The following SORCS1 variants were observed in gnomAD, a reference collection of about 807,000 sequenced individuals.
SORCS1 encodes the protein sortilin related VPS10 domain containing receptor 1, also known as VPS10 domain-containing receptor SorCS1.
Under a neutral mutation model 146.1 loss-of-function variants are expected in SORCS1, and 60 were observed. The ratio of observed to expected loss-of-function variants is 0.41; its 90% confidence interval spans 0.33 to 0.51. The LOEUF is 0.51. Ranked by LOEUF, SORCS1 falls within the 20% of genes least tolerant of loss-of-function variation. SORCS1 has a pLI of 0.21. For synonymous variants in SORCS1, 637 were observed against 584.0 expected (o/e 1.09, Z -1.31); for missense variants, 1,352 against 1,487.6 (o/e 0.91, Z 1.50).
At chr10:106,583,532 A>T (rs1845045244) in intron 24 of SORCS1, among the ~76,000 whole-genome samples, 1 of 152,060 alleles carries the variant, frequency 6.6e-6, no homozygotes, top group African/African-American at 2.4e-5. Context: ...TTTTAGATGA[A>T]GTCTTGCTTT....
chr10:106,682,922 G>A (rs570496323), intron 10 of SORCS1, among the ~76,000 whole-genome samples: 1 of 152,316 alleles, frequency 6.6e-6, no homozygotes, highest in African/African-American at 2.4e-5. Context: ...CAGCACACAT[G>A]CTTGGAAGCT....
At chr10:107,112,821 T>C (rs139920961) in intron 1 of SORCS1, among the ~76,000 whole-genome samples, 2 of 152,262 alleles carry the variant, frequency 1.3e-5, no homozygotes, top group East Asian at 3.9e-4. Context: ...ATTGTAAATA[T>C]ATATGCACTC....
chr10:107,134,458 G>A (rs949109350), intron 1 of SORCS1, among the ~76,000 whole-genome samples: 4 of 152,098 alleles, frequency 2.6e-5, no homozygotes, highest in Admixed American at 6.5e-5. Flanking sequence ...CTAACATGGT[G>A]AGACCCTGTC....
chr10:106,960,917 G>T lies in SORCS1; in HGVS notation c.559-4337C>A, dbSNP rs558070059. The stretch of plus-strand genomic sequence containing the variant: ...GCTCCCAAACTATTAGTGACCCTTT[G>T]CTCAGGCCCTTACAAAGCTCCTACT... On this transcript the variant is annotated intron_variant, in intron 1 of 25. Coordinates refer to ENST00000263054, the MANE Select transcript of SORCS1 (RefSeq NM_052918.5). The surrounding 1 kb of genome is among the most constrained non-coding windows in gnomAD (Gnocchi z 4.4). 6.6e-6 allele frequency among the ~76,000 whole-genome samples: 1 copy of T among 152,246 alleles called. No individual in the cohort carries two copies. The highest frequency in any genetic ancestry group is 1.9e-4 in the East Asian group (1 of 5,178).
At chr10:106,727,256 C>A (rs1343507457) in intron 6 of SORCS1, among the ~76,000 whole-genome samples, 1 of 152,174 alleles carries the variant, frequency 6.6e-6, no homozygotes, top group East Asian at 1.9e-4. Flanking sequence ...ACTGGTAGCC[C>A]TGACAACTGG....
At chr10:106,677,531 C>A in intron 12 of SORCS1, 127 bp from the exon 13 acceptor site, 1 of 766,156 alleles carries the variant, frequency 1.3e-6, no homozygotes, top group South Asian at 1.7e-5. Flanking sequence ...TAAATCTTTG[C>A]GAAAATAAAG....
intron 1 of SORCS1, among the ~76,000 whole-genome samples, chr10:107,104,870 C>T (rs1348466062): frequency 6.6e-6 from 1 of 152,158 alleles, no homozygotes; most frequent in Non-Finnish European, 1.5e-5. Context: ...AAACAAAGAG[C>T]TGGCAAGTGT....
intron 1 of SORCS1, among the ~76,000 whole-genome samples, chr10:106,972,380 C>CAA (rs35202189): frequency 1.3e-3 from 125 of 94,122 alleles, no homozygotes; most frequent in East Asian, 3.1e-3. Context: ...GACTCTGTCT[C>CAA]AAAAAAAAAA....
the SORCS1 span, among the ~76,000 whole-genome samples, chr10:107,176,409 T>C: frequency 6.6e-6 from 1 of 151,844 alleles, no homozygotes; most frequent in Non-Finnish European, 1.5e-5. Context: ...GATCACTTCT[T>C]GCTGCAGCTT....
At chr10:106,709,416 C>T (rs891380111) in intron 6 of SORCS1, 75 bp from the exon 7 acceptor site, 41 of 760,586 alleles carry the variant, frequency 5.4e-5, no homozygotes, top group Non-Finnish European at 7.9e-5. Flanking sequence ...TCAGGGTGGA[C>T]GTTTGATATT....
chr10:106,983,430 T>C (rs1324584504), intron 1 of SORCS1, among the ~76,000 whole-genome samples: 2 of 152,064 alleles, frequency 1.3e-5, no homozygotes, highest in Non-Finnish European at 2.9e-5. Flanking sequence ...TCATAGGTAG[T>C]AGACAACCTA....
intron 5 of SORCS1, among the ~76,000 whole-genome samples, chr10:106,753,683 T>C (rs1174833894): frequency 7.1e-6 from 1 of 141,764 alleles, no homozygotes; most frequent in African/African-American, 2.6e-5. Context: ...CCAGGTATAT[T>C]AAAAAAAAAA....
intron 6 of SORCS1, among the ~76,000 whole-genome samples, chr10:106,716,414 C>T (rs919927411): frequency 2.0e-5 from 3 of 152,170 alleles, no homozygotes; most frequent in South Asian, 2.1e-4. Context: ...AGAAACAAAA[C>T]GGATGTTAAA....
intron 10 of SORCS1, among the ~76,000 whole-genome samples, chr10:106,684,655 AG>A (rs1297485936): frequency 2.0e-5 from 3 of 152,230 alleles, no homozygotes; most frequent in African/African-American, 7.2e-5. Context: ...GATTTTTACC[AG>A]GAACACTGCA....
chr10:106,629,110 G>C, intron 19 of SORCS1, 92 bp downstream of exon 19: 1 of 1,125,438 alleles, frequency 8.9e-7, no homozygotes, highest in Admixed American at 2.2e-5. Flanking sequence ...AAGATAACTA[G>C]TGTACTTCTT....
At chr10:107,038,394 G>T (rs1958998216) in intron 1 of SORCS1, among the ~76,000 whole-genome samples, 1 of 150,584 alleles carries the variant, frequency 6.6e-6, no homozygotes, top group East Asian at 2.0e-4. Context: ...ACTGTCGTGG[G>T]GTGGGTGGGG....
intron 10 of SORCS1, among the ~76,000 whole-genome samples, chr10:106,686,581 C>T (rs1377813188): frequency 6.6e-6 from 1 of 152,130 alleles, no homozygotes; most frequent in Admixed American, 6.5e-5. Context: ...CTGTGCCTTG[C>T]GTAGAGTAGG....
chr10:107,020,457 A>G (rs1023294575), intron 1 of SORCS1, among the ~76,000 whole-genome samples: 6 of 152,218 alleles, frequency 3.9e-5, no homozygotes, highest in Non-Finnish European at 7.3e-5. Flanking sequence ...GTTCGTATAG[A>G]TGTTAGCAAA....
At chr10:107,039,163 A>G (rs1959050693) in intron 1 of SORCS1, among the ~76,000 whole-genome samples, 1 of 151,972 alleles carries the variant, frequency 6.6e-6, no homozygotes, top group African/African-American at 2.4e-5. Flanking sequence ...CCCCGTCTCT[A>G]ATAAAATACA....
Sources: gnomAD v4.1 joint callset for allele counts (sites outside exome capture counted in the v4.1 genomes callset) on GRCh38, gnomAD v4.1.1 for gene constraint, Gnocchi (gnomAD v3.1) non-coding constraint, MANE v1.5 for transcripts, NCBI Gene and HGNC (gene_info 2026-07-23, HGNC 2026-07-21) for gene names.